The following MROH1 variants were observed in gnomAD, a reference collection of about 807,000 sequenced individuals.
MROH1 encodes maestro heat-like repeat-containing protein family member 1.
MROH1 carries 117 observed loss-of-function variants against 116.5 expected under a neutral mutation model. The ratio of observed to expected loss-of-function variants is 1.00; its 90% confidence interval spans 0.86 to 1.17. The LOEUF is 1.17. Among genes scored for constraint, MROH1 ranks in the 50% most tolerant of loss-of-function variants. The probability of loss-of-function intolerance (pLI) is 0.00; values close to 1 mark genes in which losing one functional copy is unlikely to be tolerated. For synonymous variants in MROH1, 921 were observed against 583.9 expected, an observed-to-expected ratio of 1.58 and a Z score of -8.32; for missense variants, 1,873 against 1,338.5, an observed-to-expected ratio of 1.40 and a Z score of -6.23.
chr8:144,254,909 T>C lies in MROH1; in HGVS notation c.3525T>C (p.Pro1175=). The C allele has an allele frequency of 1.3e-6, 1 of 777,636 alleles. No homozygotes were observed. Among genetic ancestry groups the C allele is most frequent in the East Asian group, 2.4e-5 (1 of 41,196 alleles). 48.2% of individuals were successfully genotyped at this position (777,636 alleles called of 1,614,324 possible). ...LLLEKMSRDV[P]FKESRAFLLG... ...TGGAGAAGATGAGTAGGGACGTCCC[T>C]TTCAAGGAGAGCCGGGCCTTCCTGC... Residue 1175 remains proline, a synonymous_variant, in exon 34 of 44, where the codon CCT becomes CCC. Coordinates refer to ENST00000326134, the MANE Select transcript of MROH1 (RefSeq NM_032450.3).
chr8:144,196,622 G>A (rs1829965477), intron 10 of MROH1, among the ~76,000 whole-genome samples: 2 of 151,508 alleles, frequency 1.3e-5, no homozygotes, highest in Admixed American at 1.3e-4. Context: ...CTCCCAAAGT[G>A]CTGGGATTAC....
At chr8:144,232,729 G>A (rs200909208) in intron 14 of MROH1, among the ~76,000 whole-genome samples, 3 of 151,846 alleles carry the variant, frequency 2.0e-5, no homozygotes, top group Non-Finnish European at 1.5e-5. Flanking sequence ...TCCTGACCTC[G>A]TGATCTGCCC....
chr8:144,209,319 G>A (rs1833574756), intron 12 of MROH1, among the ~76,000 whole-genome samples: 2 of 152,072 alleles, frequency 1.3e-5, no homozygotes, highest in East Asian at 1.9e-4. Flanking sequence ...TGGCTCAAAC[G>A]CCTGTAATCC....
In MROH1 at chr8:144,250,281, GCCCAGCACAGCGTGTACCTCCTGGCCA is replaced by G. The variant is rs2133155696; in HGVS notation, c.3352_3378del (p.Ser1118_His1126del). Reference sequence around the variant, plus strand: ...CCAGGGAGAGCACGTCCTGCCGGCCGCCCAGCACAGCGTGTACCTCCTGGCCACCCAGCACTGCGCAGCCGTGGTGTC... The same window carrying G: ...CCAGGGAGAGCACGTCCTGCCGGCCGCCCAGCACTGCGCAGCCGTGGTGTC... On this transcript the variant is annotated inframe_deletion, in exon 33 of 44. Transcript: ENST00000326134. 1 of 766,522 alleles carries G rather than the reference GCCCAGCACAGCGTGTACCTCCTGGCCA, an allele frequency of 1.3e-6. No individual in the cohort carries two copies. The highest frequency in any genetic ancestry group is 1.7e-5 in the African/African-American group (1 of 59,108). The allele number at this position is 766,522 out of a possible 1,614,324, so 47.5% of individuals were successfully genotyped here. A position where few individuals can be genotyped will look rare whatever the true frequency, so the allele number is the denominator to read the frequency against.
intron 4 of MROH1, chr8:144,175,268 C>T: frequency 1.6e-6 from 1 of 636,100 alleles, no homozygotes; most frequent in Non-Finnish European, 1.9e-6. Flanking sequence ...GTATAAATGC[C>T]CTGCTGCACC....
intron 14 of MROH1, among the ~76,000 whole-genome samples, chr8:144,234,497 C>CTTTTTTT (rs1554823930): frequency 3.4e-4 from 7 of 20,656 alleles, no homozygotes; most frequent in South Asian, 1.6e-3. Flanking sequence ...CTTTCTTTTT[C>CTTTTTTT]GTTTTTTTTT....
intron 7 of MROH1, among the ~76,000 whole-genome samples, chr8:144,189,677 C>T (rs993497301): frequency 1.3e-5 from 2 of 152,222 alleles, no homozygotes; most frequent in African/African-American, 4.8e-5. Context: ...GGGAGGGCCT[C>T]ATGCTGACCC....
intron 13 of MROH1, among the ~76,000 whole-genome samples, chr8:144,220,977 C>A (rs564468588): frequency 6.6e-5 from 10 of 152,320 alleles, no homozygotes; most frequent in South Asian, 4.1e-4. Context: ...TGCTGCTCTG[C>A]TCGCGGTGAT....
At chr8:144,220,520 C>G in intron 12 of MROH1, 80 bp from the exon 13 acceptor site, 1 of 1,317,620 alleles carries the variant, frequency 7.6e-7, no homozygotes, top group Non-Finnish European at 1.1e-6. Flanking sequence ...CACGGGGAAG[C>G]CAGGCCCCTG....
At position 144,182,947 on chromosome 8, in the gene MROH1, C is replaced by T. The variant is rs1025650997; in HGVS notation, c.562+2424C>T. Among the ~76,000 whole-genome samples the T allele has an allele frequency of 5.9e-5, 9 of 152,150 alleles. No homozygotes were observed. Among genetic ancestry groups the T allele is most frequent in the African/African-American group, 1.7e-4 (7 of 41,436 alleles). ...CAAAAAAATTAGCCGGGTGTGGTGG[C>T]GCATGTCTGTAATCCCTGATACTGT... On this transcript the variant is annotated intron_variant, in intron 7 of 43. Transcript: ENST00000326134. This position sits in a 1 kb window ranked among gnomAD's most constrained non-coding sequence, Gnocchi z 4.1.
intron 35 of MROH1, among the ~76,000 whole-genome samples, chr8:144,257,491 C>T (rs1165540697): frequency 2.0e-5 from 3 of 152,192 alleles, no homozygotes; most frequent in Admixed American, 6.5e-5. Context: ...TCATTCCTGC[C>T]GGCATCACCA....
Position 144,163,453 on chromosome 8 carries a change from G to A in MROH1, c.-56-318G>A, listed in dbSNP as rs750041476. Among the ~76,000 whole-genome samples the A allele has an allele frequency of 6.6e-6, 1 of 152,204 alleles. No individual in the cohort carries two copies. Among genetic ancestry groups the A allele is most frequent in the Non-Finnish European group, 1.5e-5 (1 of 68,046 alleles). On this transcript the variant is annotated intron_variant, in intron 2 of 43. Coordinates refer to ENST00000326134, the MANE Select transcript of MROH1 (RefSeq NM_032450.3). The surrounding 1 kb of genome is among the most constrained non-coding windows in gnomAD (Gnocchi z 4.4). The stretch of plus-strand genomic sequence containing the variant: ...TCCTCACAGTGTGGAGGAGGATGCT[G>A]TAGGTGGAGGTGCATCCACTCCTGC...
chr8:144,241,180 C>CT (rs1840910690), intron 21 of MROH1, 69 bp downstream of exon 21: 2 of 713,052 alleles, frequency 2.8e-6, no homozygotes, highest in African/African-American at 1.7e-5. Flanking sequence ...CTGCTGTTCT[C>CT]TGAGGCAGCT....
intron 28 of MROH1, 115 bp from the exon 29 acceptor site, chr8:144,245,041 C>T: frequency 1.3e-6 from 1 of 753,972 alleles, no homozygotes; most frequent in Non-Finnish European, 2.4e-6. Context: ...GCTTGGCCCC[C>T]TGTAGCCCAG....
At chr8:144,244,625 G>A (rs1253418518) in intron 28 of MROH1, 86 bp downstream of exon 28, 3 of 711,210 alleles carry the variant, frequency 4.2e-6, no homozygotes, top group African/African-American at 3.5e-5. Flanking sequence ...CCACATGTGG[G>A]CACCACAGGG....
Position 144,260,043 on chromosome 8 carries a change from G to A in MROH1, c.4177G>A (p.Gly1393Ser), listed in dbSNP as rs977596850. The change falls in exon 38 of 44, where the codon GGC (glycine) becomes AGC (serine). Residue 1393 changes from glycine (G) to serine (S), a missense_variant. By Grantham distance (56) the Gly-to-Ser change is moderately conservative. Transcript: ENST00000326134. Reference protein sequence around the residue: ...VLRGLANLASGCPDKVRTHGP... With the variant: ...VLRGLANLASSCPDKVRTHGP... ...CCGCGGCCTGGCCAACCTGGCCTCCGGCTGCCCTGACAAGGTGGGGTGGCC... is the reference window on the plus strand; with the variant it reads ...CCGCGGCCTGGCCAACCTGGCCTCCAGCTGCCCTGACAAGGTGGGGTGGCC... 3.1e-4 allele frequency: 226 copies of A among 724,870 alleles called. 1 individual carries two copies. Among genetic ancestry groups the A allele is most frequent in the Non-Finnish European group, 3.1e-4 (125 of 397,944 alleles). The allele number at this position is 724,870 out of a possible 1,614,324, so 44.9% of individuals were successfully genotyped here. A position where few individuals can be genotyped will look rare whatever the true frequency, so the allele number is the denominator to read the frequency against.
chr8:144,245,740 G>A (rs1841773624), intron 29 of MROH1, among the ~76,000 whole-genome samples: 1 of 151,862 alleles, frequency 6.6e-6, no homozygotes, highest in South Asian at 2.1e-4. Context: ...GCTCACTGCA[G>A]CCTGGAACTC....
rs1485751985 is a variant in MROH1 at position 144,248,898 on chromosome 8, C to G, written c.3142C>G (p.Pro1048Ala). ...CTAGATTATTGCCAAGCGCCTCCCC[C>G]CAGACCAGCTCATCAGCCTCTTGCT... Reference protein sequence around the residue: ...VGQIIAKRLPPDQLISLLLTM... With the variant: ...VGQIIAKRLPADQLISLLLTM... The change falls in exon 32 of 44, where the codon CCA becomes GCA. Residue 1048 changes from proline to alanine, a missense_variant. Pro to Ala is a conservative substitution (Grantham distance 27). Transcript: ENST00000326134. 5 of 778,968 alleles carry G rather than the reference C, an allele frequency of 6.4e-6. No homozygotes were observed. The highest frequency in any genetic ancestry group is 3.4e-5 in the Admixed American group (2 of 58,850). 48.3% of individuals were successfully genotyped at this position (778,968 alleles called of 1,614,324 possible).
rs746286131 is a variant in MROH1 at position 144,213,020 on chromosome 8, A to ATGT, written c.1142-7577_1142-7575dup. ...CAGCACTAACACCAGAATAACACTG[A>ATGT]TGTTGCCATCAGCAGTCACACGACT... On this transcript the variant is annotated intron_variant, in intron 12 of 43. Coordinates refer to ENST00000326134, the MANE Select transcript of MROH1 (RefSeq NM_032450.3). The ATGT allele has an allele frequency of 3.0e-5, 23 of 779,636 alleles. No homozygotes were observed. The African/African-American group carries it at 3.9e-4, about 13-fold the overall frequency. 48.3% of individuals were successfully genotyped at this position (779,636 alleles called of 1,614,324 possible). A position where few individuals can be genotyped will look rare whatever the true frequency, so the allele number is the denominator to read the frequency against.
Sources: gnomAD v4.1 joint callset for allele counts (sites outside exome capture counted in the v4.1 genomes callset) on GRCh38, gnomAD v4.1.1 for gene constraint, Gnocchi (gnomAD v3.1) non-coding constraint, MANE v1.5 for transcripts, NCBI Gene and HGNC (gene_info 2026-07-23, HGNC 2026-07-21) for gene names.